The following RNF11 variants were observed in gnomAD, a reference collection of about 807,000 sequenced individuals.
The protein encoded by RNF11 is ring finger protein 11.
A neutral mutation model predicts 15.8 loss-of-function variants in RNF11; 4 were observed. The ratio of observed to expected loss-of-function variants is 0.25; its 90% CI spans 0.12 to 0.58. The LOEUF (loss-of-function observed/expected upper bound fraction) is 0.58, where lower values mean the gene tolerates loss of function less well. Ranked by LOEUF, RNF11 falls within the 20% of genes least tolerant of loss-of-function variation. The pLI, the probability that RNF11 is intolerant of heterozygous loss-of-function variation, is 0.91. For synonymous variants in RNF11, 68 were observed against 72.3 expected, an observed-to-expected ratio of 0.94 and a Z score of 0.30; for missense variants, 139 against 194.4, an observed-to-expected ratio of 0.71 and a Z score of 1.70.
chr1:51,271,023 A>G (rs1646975640), intron 2 of RNF11, 128 bp from the exon 3 acceptor site: 1 of 762,708 alleles, frequency 1.3e-6, no homozygotes, highest in Non-Finnish European at 2.1e-6. Context: ...TGCTTTGGCA[A>G]TAAGATGACA....
chr1:51,256,440 A>G (rs747276154), intron 1 of RNF11, among the ~76,000 whole-genome samples: 1 of 152,172 alleles, frequency 6.6e-6, no homozygotes, highest in Non-Finnish European at 1.5e-5. Context: ...TTGCATTGAT[A>G]TACTGTAGTT....
chr1:51,265,507 TTC>T (rs1362483786), intron 1 of RNF11, among the ~76,000 whole-genome samples: 1 of 152,238 alleles, frequency 6.6e-6, no homozygotes, highest in Non-Finnish European at 1.5e-5. Flanking sequence ...TTCTCGCTCT[TTC>T]TCTCTTTTGC....
intron 1 of RNF11, among the ~76,000 whole-genome samples, chr1:51,243,483 G>T (rs1169814065): frequency 6.6e-6 from 1 of 152,056 alleles, no homozygotes; most frequent in Non-Finnish European, 1.5e-5. Context: ...CTGTTGCCCA[G>T]GCTGGAGTGC....
At chr1:51,263,857 G>A (rs995963456) in intron 1 of RNF11, among the ~76,000 whole-genome samples, 6 of 152,134 alleles carry the variant, frequency 3.9e-5, no homozygotes, top group African/African-American at 1.4e-4. Flanking sequence ...ATTGAAGTGT[G>A]TATTTTAAAT....
intron 1 of RNF11, chr1:51,251,532 CAT>C (rs2148068621): frequency 3.5e-6 from 2 of 570,140 alleles, no homozygotes. Context: ...AGGTGATTCT[CAT>C]TTTTTGAAAT....
Position 51,253,244 on chromosome 1 carries a change from G to T in RNF11, c.123+16365G>T, listed in dbSNP as rs571577046. On this transcript the variant is annotated intron_variant, in intron 1 of 2. Coordinates refer to ENST00000242719, the MANE Select transcript of RNF11 (RefSeq NM_014372.5). ...CTCTGCATAATATTTAGAAAATAAG[G>T]CCGGGCACAGGGGTTCAAGCCTGTG... Among the ~76,000 whole-genome samples the T allele has an allele frequency of 3.9e-5, 6 of 152,170 alleles. No individual in the cohort carries two copies. In the South Asian group the frequency reaches 1.2e-3, roughly 32 times the overall value.
At chr1:51,257,473 T>C (rs954390159) in intron 1 of RNF11, among the ~76,000 whole-genome samples, 8 of 152,156 alleles carry the variant, frequency 5.3e-5, no homozygotes, top group Admixed American at 5.2e-4. Context: ...TTTTTTGTTT[T>C]GGAGATAGTC....
chr1:51,267,377 A>C (rs1646959175), intron 1 of RNF11, among the ~76,000 whole-genome samples: 2 of 152,208 alleles, frequency 1.3e-5, no homozygotes, highest in Admixed American at 1.3e-4. Flanking sequence ...GTGATTCAAT[A>C]GGAGGGCTCT....
intron 1 of RNF11, among the ~76,000 whole-genome samples, chr1:51,240,173 T>C (rs1434887139): frequency 2.0e-5 from 3 of 152,218 alleles, no homozygotes; most frequent in African/African-American, 7.2e-5. Flanking sequence ...TAGTGTCGCA[T>C]AAACCCTACA....
chr1:51,255,870 T>C (rs924505867), intron 1 of RNF11, among the ~76,000 whole-genome samples: 1 of 152,220 alleles, frequency 6.6e-6, no homozygotes, highest in African/African-American at 2.4e-5. Context: ...GCTTTATAAG[T>C]AAGGTTTGAA....
In RNF11 at chr1:51,261,812, G is replaced by A. The variant is rs369759639; in HGVS notation, c.124-8144G>A. The stretch of plus-strand genomic sequence containing the variant: ...ACACCATTCTCCTGCCTCAGCCTCC[G>A]GAGTAGCTGGGACTACAGGCACCTG... On this transcript the variant is annotated intron_variant, in intron 1 of 2. Coordinates refer to ENST00000242719, the MANE Select transcript of RNF11 (RefSeq NM_014372.5). Among the ~76,000 whole-genome samples, 6 of 151,774 alleles carry A rather than the reference G, an allele frequency of 4.0e-5. 1 individual carries two copies. The highest frequency in any genetic ancestry group is 1.9e-4 in the East Asian group (1 of 5,144).
chr1:51,267,289 A>C (rs1216188036), intron 1 of RNF11, among the ~76,000 whole-genome samples: 1 of 152,208 alleles, frequency 6.6e-6, no homozygotes, highest in Admixed American at 6.5e-5. Context: ...GGGACGAAAC[A>C]CAGTAGCTTT....
At chr1:51,268,120 A>G (rs1264586350) in intron 1 of RNF11, among the ~76,000 whole-genome samples, 2 of 152,212 alleles carry the variant, frequency 1.3e-5, no homozygotes, top group Non-Finnish European at 2.9e-5. Flanking sequence ...TCAGGATTCC[A>G]TTTTGCTGCC....
chr1:51,245,223 C>G (rs996942667), intron 1 of RNF11, among the ~76,000 whole-genome samples: 1 of 152,022 alleles, frequency 6.6e-6, no homozygotes, highest in African/African-American at 2.4e-5. Context: ...CTTTGCCTGG[C>G]TAATTTTTAT....
At chr1:51,268,279 T>G (rs1033465050) in intron 1 of RNF11, among the ~76,000 whole-genome samples, 9 of 152,014 alleles carry the variant, frequency 5.9e-5, no homozygotes, top group Admixed American at 4.6e-4. Flanking sequence ...TATCAGGAGG[T>G]CTTAGTCATT....
Position 51,271,598 on chromosome 1 carries a change from G to A in RNF11, c.*276G>A, listed in dbSNP as rs533326693. The A allele has an allele frequency of 2.5e-4, 62 of 247,760 alleles. 1 individual carries two copies. In the South Asian group the frequency reaches 7.3e-3, roughly 29 times the overall value. 15.3% of individuals were successfully genotyped at this position (247,760 alleles called of 1,614,324 possible). A position where few individuals can be genotyped will look rare whatever the true frequency, so the allele number is the denominator to read the frequency against. ...TATTGCTCCAGTACATAGGAATTGTGTAAAGTGTTAACAGCAGCTGTATTT... is the reference window on the plus strand; with the variant it reads ...TATTGCTCCAGTACATAGGAATTGTATAAAGTGTTAACAGCAGCTGTATTT... On this transcript the variant is annotated 3_prime_UTR_variant, in exon 3 of 3. Transcript: ENST00000242719.
Position 51,251,327 on chromosome 1 carries a change from G to A in RNF11, c.123+14448G>A, listed in dbSNP as rs903670115. 74 of 1,514,128 alleles carry A rather than the reference G, an allele frequency of 4.9e-5. No homozygotes were observed. In the African/African-American group the frequency reaches 5.5e-4, roughly 11 times the overall value. 93.8% of individuals were successfully genotyped at this position (1,514,128 alleles called of 1,614,324 possible). ...ACTCCTTATCCTCGGCCTTGCCTCC[G>A]CGAGCTCCGCGGCCTCGGCCCCGGC... On this transcript the variant is annotated intron_variant, in intron 1 of 2. Transcript: ENST00000242719.
chr1:51,242,735 C>T (rs185348876), intron 1 of RNF11, among the ~76,000 whole-genome samples: 10 of 152,134 alleles, frequency 6.6e-5, no homozygotes, highest in Admixed American at 5.2e-4. Context: ...GTTGGGATTA[C>T]GGATGTGAGT....
At chr1:51,238,748 G>A (rs774172427) in intron 1 of RNF11, among the ~76,000 whole-genome samples, 3 of 151,064 alleles carry the variant, frequency 2.0e-5, no homozygotes, top group East Asian at 3.9e-4. Flanking sequence ...TTTTTAATGA[G>A]ATGGAGTCTC....
Sources: allele counts gnomAD v4.1 joint callset (sites outside exome capture counted in the v4.1 genomes callset), GRCh38; gene constraint gnomAD v4.1.1; transcripts MANE v1.5; gene names NCBI Gene and HGNC (gene_info 2026-07-23, HGNC 2026-07-21).